The following CHM variants were observed in gnomAD, a reference collection of about 807,000 sequenced individuals.
CHM encodes the protein CHM Rab escort protein.
A neutral mutation model predicts 49.0 loss-of-function variants in CHM; 10 were observed. The ratio of observed to expected loss-of-function variants is 0.20; its 90% CI spans 0.13 to 0.35. CHM has a LOEUF of 0.35. CHM is among the 10% of genes least tolerant of loss of function. The probability of loss-of-function intolerance (pLI) is 1.00; values close to 1 mark genes in which losing one functional copy is unlikely to be tolerated. For synonymous variants in CHM, 184 were observed against 167.5 expected (o/e 1.10, Z -0.76); for missense variants, 455 against 478.4 (o/e 0.95, Z 0.46).
chrX:85,952,997 T>C (rs1929827593), intron 8 of CHM, among the ~76,000 whole-genome samples: 1 of 112,717 alleles, frequency 8.9e-6, no homozygotes, highest in South Asian at 3.6e-4. Flanking sequence ...TTATCCTTGT[T>C]TGCAGATGAT....
At chrX:85,986,399 G>A (rs1461183786) in intron 2 of CHM, among the ~76,000 whole-genome samples, 1 of 111,898 alleles carries the variant, frequency 8.9e-6, no homozygotes. Flanking sequence ...AGCACTCAAA[G>A]GGGAGAGGAA....
At chrX:85,947,660 A>T (rs1410227502) in intron 8 of CHM, among the ~76,000 whole-genome samples, 8 of 111,652 alleles carry the variant, frequency 7.2e-5, no homozygotes, top group African/African-American at 2.6e-4. Flanking sequence ...ACAGCAATTT[A>T]TCTATAGAAC....
chrX:86,003,842 G>A (rs772944335), intron 2 of CHM, among the ~76,000 whole-genome samples: 26 of 111,971 alleles, frequency 2.3e-4, no homozygotes, highest in African/African-American at 7.8e-4. Flanking sequence ...CGCTCTTGAG[G>A]ATATTATCCA....
At chrX:85,959,299 T>TA (rs1930170329) in intron 5 of CHM, among the ~76,000 whole-genome samples, 1 of 111,952 alleles carries the variant, frequency 8.9e-6, no homozygotes, top group Admixed American at 9.5e-5. Context: ...TGTGTTTAGT[T>TA]AGAGTTCCTC....
chrX:86,036,878 A>G (rs912537541), intron 1 of CHM, among the ~76,000 whole-genome samples: 1 of 111,250 alleles, frequency 9.0e-6, no homozygotes, highest in Non-Finnish European at 1.9e-5. Context: ...CCATGAGTTG[A>G]TAACTGTTGA....
At position 85,864,933 on chromosome X, in the gene CHM, A is replaced by C. The variant is rs2294411; in HGVS notation, c.1771-112T>G. 0.014 allele frequency: 9,358 copies of C among 689,955 alleles called. 322 individuals are homozygous for C. Among genetic ancestry groups the C allele is most frequent in the African/African-American group, 0.12 (5,727 of 46,472 alleles). 56.9% of individuals were successfully genotyped at this position (689,955 alleles called of 1,213,427 possible). A position where few individuals can be genotyped will look rare whatever the true frequency, so the allele number is the denominator to read the frequency against. On this transcript the variant is annotated intron_variant, in intron 14 of 14. Coordinates refer to ENST00000357749, the MANE Select transcript of CHM (RefSeq NM_000390.4). ...TGTTTTATCCTTAAAAATTTGCTTA[A>C]ACAGGCTACAGTACTTAATCAGAAT...
intron 4 of CHM, among the ~76,000 whole-genome samples, chrX:85,965,579 G>A (rs1202494486): frequency 9.1e-6 from 1 of 109,859 alleles, no homozygotes; most frequent in African/African-American, 3.3e-5. Flanking sequence ...TTTCAAATGC[G>A]AAACAAACTT....
intron 4 of CHM, among the ~76,000 whole-genome samples, chrX:85,965,254 A>G (rs1445196135): frequency 1.8e-5 from 2 of 112,317 alleles, no homozygotes; most frequent in African/African-American, 3.2e-5. Flanking sequence ...ATACTTTAGC[A>G]AACTACTTTA....
intron 8 of CHM, among the ~76,000 whole-genome samples, chrX:85,916,151 T>G (rs1246644844): frequency 9.1e-6 from 1 of 110,497 alleles, no homozygotes; most frequent in African/African-American, 3.3e-5. Context: ...ACCACACACC[T>G]ACAACTATCT....
chrX:85,925,231 G>A (rs779738718), intron 8 of CHM, among the ~76,000 whole-genome samples: 2 of 111,104 alleles, frequency 1.8e-5, no homozygotes, highest in Non-Finnish European at 3.8e-5. Context: ...TAAGTACAGT[G>A]ACCACCTGGT....
chrX:86,023,591 G>A (rs1040386792), intron 2 of CHM, among the ~76,000 whole-genome samples: 1 of 111,399 alleles, frequency 9.0e-6, no homozygotes, highest in Non-Finnish European at 1.9e-5. Context: ...TTGTGAGTCA[G>A]TGTATTTTTA....
intron 9 of CHM, chrX:85,903,856 G>A: frequency 3.3e-6 from 1 of 301,062 alleles, no homozygotes. Context: ...ATATGCCCAA[G>A]TCTCAGTCTG....
chrX:85,889,325 A>T (rs73224588), intron 12 of CHM, among the ~76,000 whole-genome samples: 2,010 of 112,016 alleles, frequency 0.018, 25 homozygotes, highest in Admixed American at 0.049. Flanking sequence ...TCCAAAAAAC[A>T]ACTAATATCC....
intron 2 of CHM, among the ~76,000 whole-genome samples, chrX:86,017,450 C>A (rs1201400330): frequency 9.0e-6 from 1 of 111,328 alleles, no homozygotes; most frequent in African/African-American, 3.3e-5. Flanking sequence ...GGATGGTTTC[C>A]CCCATACTGT....
Position 85,981,764 on chromosome X carries a change from T to C in CHM, c.162A>G (p.Gly54=), listed in dbSNP as rs138972750. The C allele has an allele frequency of 3.7e-4, 441 of 1,190,829 alleles. 1 individual carries two copies. Among genetic ancestry groups the C allele is most frequent in the Non-Finnish European group, 4.8e-4 (422 of 884,163 alleles). ...GGNWASFSFS[G]LLSWLKEYQE... ...GGTATTCCTTTAGCCAGGACAATAGTCCTGAAAAGCTAAAACTGGCCCAGT... is the reference window on the plus strand; with the variant it reads ...GGTATTCCTTTAGCCAGGACAATAGCCCTGAAAAGCTAAAACTGGCCCAGT... The change falls in exon 3 of 15, where the codon GGA becomes GGG. Residue 54 remains glycine (G), a synonymous_variant. Transcript: ENST00000357749.
chrX:85,989,756 A>C (rs1445095574), intron 2 of CHM, among the ~76,000 whole-genome samples: 4 of 112,093 alleles, frequency 3.6e-5, no homozygotes, highest in Non-Finnish European at 7.5e-5. Flanking sequence ...CAATATTACT[A>C]ATCATTAGAG....
intron 12 of CHM, among the ~76,000 whole-genome samples, chrX:85,884,462 A>T (rs1924964090): frequency 9.0e-6 from 1 of 110,889 alleles, no homozygotes; most frequent in Non-Finnish European, 1.9e-5. Flanking sequence ...AAATTAAGTA[A>T]CTTGCCTAAG....
Position 85,976,875 on chromosome X carries a change from AACACACACAC to A in CHM, c.314+1882_314+1891del, listed in dbSNP as rs201555478. ...CAATGCTAGGGGGAAAACACACACA[AACACACACAC>A]ACACACACACACACACACACACACA... On this transcript the variant is annotated intron_variant, in intron 4 of 14. Transcript: ENST00000357749. 1.6e-3 allele frequency among the ~76,000 whole-genome samples: 122 copies of A among 76,302 alleles called. 1 individual carries two copies. The South Asian group carries it at 0.03, about 19-fold the overall frequency. The allele number at this position is 76,302 out of a possible 115,157, so 66.3% of individuals were successfully genotyped here. A position where few individuals can be genotyped will look rare whatever the true frequency, so the allele number is the denominator to read the frequency against.
At position 85,956,255 on chromosome X, in the gene CHM, A is replaced by T; in HGVS notation, c.1064T>A (p.Leu355His). 1 of 1,211,631 alleles carries T rather than the reference A, an allele frequency of 8.3e-7. No individual in the cohort carries two copies. Among genetic ancestry groups the T allele is most frequent in the Non-Finnish European group, 1.1e-6 (1 of 895,393 alleles). ...GTGAAGAAAGTTTTTGGTAGCTTTG[A>T]GACCATCTATGGTGCTGCTGGCTGT... Reference protein sequence around the residue: ...SETASSTIDGLKATKNFLHCL... With the variant: ...SETASSTIDGHKATKNFLHCL... Residue 355 changes from leucine to histidine, a missense_variant, in exon 8 of 15, where the codon CTC becomes CAC. Coordinates refer to ENST00000357749, the MANE Select transcript of CHM (RefSeq NM_000390.4).
Sources: allele counts gnomAD v4.1 joint callset (sites outside exome capture counted in the v4.1 genomes callset), GRCh38; gene constraint gnomAD v4.1.1; transcripts MANE v1.5; gene names NCBI Gene and HGNC (gene_info 2026-07-23, HGNC 2026-07-21).